The following MARCHF1 variants were observed in gnomAD, a reference collection of about 807,000 sequenced individuals.
The protein encoded by MARCHF1 is E3 ubiquitin-protein ligase MARCHF1.
Under a neutral mutation model 54.2 loss-of-function variants are expected in MARCHF1, and 40 were observed. That is an observed-to-expected ratio of 0.74 (90% confidence interval 0.57 to 0.96). The LOEUF is 0.96. MARCHF1 is among the 40% of genes least tolerant of loss of function. The pLI is 0.00. For missense variants in MARCHF1, 586 were observed against 656.5 expected, an observed-to-expected ratio of 0.89 and a Z score of 1.17; for synonymous variants, 236 against 236.3, an observed-to-expected ratio of 1.00 and a Z score of 0.01.
At chr4:163,560,380 T>G (rs906015637) in intron 8 of MARCHF1, among the ~76,000 whole-genome samples, 1 of 152,216 alleles carries the variant, frequency 6.6e-6, no homozygotes, top group African/African-American at 2.4e-5. Context: ...GGCCCATCAA[T>G]TTACTTGTCA....
At chr4:164,046,329 C>T (rs200489054) in intron 2 of MARCHF1, among the ~76,000 whole-genome samples, 6 of 152,224 alleles carry the variant, frequency 3.9e-5, no homozygotes, top group African/African-American at 1.2e-4. Context: ...AGAACAAAAG[C>T]TGTCAGTGTC....
chr4:163,844,167 G>A (rs1054943323), intron 4 of MARCHF1, among the ~76,000 whole-genome samples: 4 of 151,756 alleles, frequency 2.6e-5, no homozygotes, highest in Non-Finnish European at 5.9e-5. Context: ...TGTGTTCCCC[G>A]TTATACGTCC....
chr4:164,081,207 C>CAAAAAAAAAAAAAAAAAAAAAAAAAAA (rs60753810), intron 2 of MARCHF1, among the ~76,000 whole-genome samples: 1 of 18,404 alleles, frequency 5.4e-5, no homozygotes, highest in African/African-American at 1.8e-4. Context: ...GACGCTGTCT[C>CAAAAAAAAAAAAAAAAAAAAAAAAAAA]AAAAAAAAAA....
chr4:164,169,021 C>T (rs1008200799), intron 1 of MARCHF1, among the ~76,000 whole-genome samples: 6 of 151,876 alleles, frequency 4.0e-5, no homozygotes, highest in African/African-American at 1.5e-4. Flanking sequence ...ATCTAATGTA[C>T]AAAATGAAGA....
rs3080960 is a variant in MARCHF1 at position 163,528,584 on chromosome 4, CTGTT to C, written c.*160_*163del. On this transcript the variant is annotated 3_prime_UTR_variant, in exon 10 of 10. Transcript: ENST00000514618. ...CTTCATGGGCTCCTGGGCATTTGGT[CTGTT>C]TGTTTTTCTCCTTTCCTCTTTGAAC... 1.5e-5 allele frequency: 10 copies of C among 649,552 alleles called. No homozygotes were observed. Among genetic ancestry groups the C allele is most frequent in the South Asian group, 1.1e-4 (5 of 46,832 alleles). 40.2% of individuals were successfully genotyped at this position (649,552 alleles called of 1,614,324 possible). A position where few individuals can be genotyped will look rare whatever the true frequency, so the allele number is the denominator to read the frequency against.
At chr4:163,976,119 C>T (rs1752645573) in intron 3 of MARCHF1, among the ~76,000 whole-genome samples, 2 of 152,110 alleles carry the variant, frequency 1.3e-5, no homozygotes, top group South Asian at 4.1e-4. Context: ...GCAACAAGTG[C>T]CCAGGTGGAT....
chr4:163,764,983 C>T (rs993630937), intron 4 of MARCHF1, among the ~76,000 whole-genome samples: 45 of 152,040 alleles, frequency 3.0e-4, no homozygotes, highest in African/African-American at 1.0e-3. Context: ...TTATTTAGTA[C>T]ATTTTAATGT....
intron 8 of MARCHF1, among the ~76,000 whole-genome samples, chr4:163,572,982 T>G (rs1403078688): frequency 1.3e-5 from 2 of 152,098 alleles, no homozygotes; most frequent in Non-Finnish European, 2.9e-5. Context: ...GGTGTGTTCA[T>G]GTGGGAAACA....
At chr4:164,135,764 G>A (rs1331566037) in intron 1 of MARCHF1, among the ~76,000 whole-genome samples, 1 of 152,188 alleles carries the variant, frequency 6.6e-6, no homozygotes, top group Admixed American at 6.5e-5. Context: ...TGATACTGAT[G>A]GAGATAATTA....
intron 2 of MARCHF1, among the ~76,000 whole-genome samples, chr4:164,036,822 T>C (rs1217224208): frequency 6.6e-6 from 1 of 152,218 alleles, no homozygotes; most frequent in East Asian, 1.9e-4. Context: ...AACATTCATA[T>C]ATTTCTGGGG....
In MARCHF1 at chr4:164,140,297, T is replaced by C. The variant is rs1380760173; in HGVS notation, c.-322-28635A>G. Among the ~76,000 whole-genome samples, 4 of 151,734 alleles carry C rather than the reference T, an allele frequency of 2.6e-5. No individual in the cohort carries two copies. In the East Asian group the frequency reaches 7.7e-4, roughly 29 times the overall value. ...AATTGTCCTATAGAATTGATGTTTA[T>C]CATTTCTTTTGAATAAACAAAAAAA... On this transcript the variant is annotated intron_variant, in intron 1 of 9. Transcript: ENST00000514618.
intron 1 of MARCHF1, among the ~76,000 whole-genome samples, chr4:164,303,039 A>T (rs1734605227): frequency 6.6e-6 from 1 of 152,114 alleles, no homozygotes; most frequent in African/African-American, 2.4e-5. Context: ...TCACTAATAG[A>T]TGTTCATCTT....
intron 1 of MARCHF1, among the ~76,000 whole-genome samples, chr4:164,118,559 A>C (rs924747077): frequency 1.3e-5 from 2 of 151,586 alleles, no homozygotes; most frequent in African/African-American, 2.4e-5. Context: ...TTAAGCTTAT[A>C]AGACAAAGCT....
intron 5 of MARCHF1, among the ~76,000 whole-genome samples, chr4:163,648,485 C>T (rs1391232258): frequency 2.0e-5 from 3 of 151,572 alleles, no homozygotes; most frequent in Non-Finnish European, 2.9e-5. Context: ...ATGCATAAAA[C>T]TAGGCACGTT....
At chr4:163,844,436 A>G (rs1322920274) in intron 4 of MARCHF1, among the ~76,000 whole-genome samples, 2 of 152,052 alleles carry the variant, frequency 1.3e-5, no homozygotes, top group Non-Finnish European at 2.9e-5. Flanking sequence ...ATTTGCTCCC[A>G]CTGAACAATT....
chr4:164,301,115 A>G (rs1734549293), intron 1 of MARCHF1, among the ~76,000 whole-genome samples: 1 of 152,168 alleles, frequency 6.6e-6, no homozygotes, highest in Non-Finnish European at 1.5e-5. Context: ...TGCATAATTA[A>G]TATATTTAAT....
At chr4:164,323,983 AAGAC>A (rs1735209318) in intron 1 of MARCHF1, among the ~76,000 whole-genome samples, 1 of 151,886 alleles carries the variant, frequency 6.6e-6, no homozygotes, top group Admixed American at 6.6e-5. Flanking sequence ...TGATTTTAGA[AAGAC>A]AGCATAACTT....
At chr4:163,721,920 T>G (rs1745480685) in intron 4 of MARCHF1, among the ~76,000 whole-genome samples, 1 of 152,152 alleles carries the variant, frequency 6.6e-6, no homozygotes, top group Non-Finnish European at 1.5e-5. Context: ...GCTTCTCTCT[T>G]TTCCTCTTTA....
chr4:164,100,561 A>G (rs1054553191), intron 2 of MARCHF1, among the ~76,000 whole-genome samples: 8 of 152,276 alleles, frequency 5.3e-5, no homozygotes, highest in African/African-American at 1.9e-4. Context: ...AACTTTCACA[A>G]TGAAATGTCT....
Sources: gnomAD v4.1 joint callset for allele counts (sites outside exome capture counted in the v4.1 genomes callset) on GRCh38, gnomAD v4.1.1 for gene constraint, MANE v1.5 for transcripts, NCBI Gene and HGNC (gene_info 2026-07-23, HGNC 2026-07-21) for gene names.